The following MCU variants were observed in gnomAD, a reference collection of about 807,000 sequenced individuals.
The protein encoded by MCU is mitochondrial calcium uniporter.
Under a neutral mutation model 45.2 loss-of-function variants are expected in MCU, and 12 were observed. That is an observed-to-expected ratio of 0.27 (90% CI 0.17 to 0.43). The LOEUF is 0.43. Ranked by LOEUF, MCU falls within the 20% of genes least tolerant of loss-of-function variation. The pLI is 1.00. For missense variants in MCU, 324 were observed against 436.7 expected (o/e 0.74, Z 2.30); for synonymous variants, 160 against 165.1 (o/e 0.97, Z 0.24).
intron 2 of MCU, among the ~76,000 whole-genome samples, chr10:72,846,574 T>C (rs920683321): frequency 6.6e-6 from 1 of 152,228 alleles, no homozygotes; most frequent in Non-Finnish European, 1.5e-5. Flanking sequence ...TAACCCCCCA[T>C]GTACAAGAGT....
intron 1 of MCU, among the ~76,000 whole-genome samples, chr10:72,768,400 A>G (rs1478918303): frequency 6.6e-6 from 1 of 152,204 alleles, no homozygotes; most frequent in Non-Finnish European, 1.5e-5. Flanking sequence ...ATCTCAGTCA[A>G]TTTAGGATTT....
chr10:72,760,712 C>CTTTTTTTTT (rs1381226351), intron 1 of MCU: 7 of 116,816 alleles, frequency 6.0e-5, no homozygotes, highest in African/African-American at 1.3e-4. Flanking sequence ...TTTTTTTTTT[C>CTTTTTTTTT]TTTCTTTTTT....
At chr10:72,773,451 G>C (rs1023845996) in intron 1 of MCU, among the ~76,000 whole-genome samples, 12 of 152,030 alleles carry the variant, frequency 7.9e-5, no homozygotes, top group African/African-American at 2.9e-4. Context: ...GCAGAACAAA[G>C]AATGAAAAGG....
In MCU at chr10:72,834,363, A is replaced by C; in HGVS notation, c.155A>C (p.His52Pro). The change falls in exon 2 of 8, where the codon CAC becomes CCC. Residue 52 changes from histidine to proline, a missense_variant. Physicochemically the swap from His to Pro is moderately conservative, Grantham distance 77 (BLOSUM62 -2). Around this residue, in one of 4 missense-constraint regions of MCU, gnomAD observed 111 missense variants for 112.3 expected, o/e 0.99. Coordinates refer to ENST00000373053, the MANE Select transcript of MCU (RefSeq NM_138357.3). ...HRQQQHHRTVHQRIASWQNLG... is the reference protein window; with the variant it reads ...HRQQQHHRTVPQRIASWQNLG... ...TGTATCTTTTGTGTTTTCTAGGTAC[A>C]CCAGAGGATCGCTTCCTGGCAGAAT... 6.2e-7 allele frequency: 1 copy of C among 1,613,548 alleles called. No homozygotes were observed. The highest frequency in any genetic ancestry group is 1.3e-5 in the African/African-American group (1 of 75,034).
chr10:72,715,899 G>T, intron 1 of MCU: 4 of 985,114 alleles, frequency 4.1e-6, no homozygotes, highest in Non-Finnish European at 4.8e-6. Context: ...TTGAACATTC[G>T]CAGGTATGTG....
intron 1 of MCU, among the ~76,000 whole-genome samples, chr10:72,814,072 C>T (rs1416223238): frequency 6.6e-6 from 1 of 152,082 alleles, no homozygotes; most frequent in Non-Finnish European, 1.5e-5. Flanking sequence ...ATCCAAGTGG[C>T]AGGGGATGGA....
At chr10:72,786,718 C>G (rs1471622935) in intron 1 of MCU, among the ~76,000 whole-genome samples, 1 of 152,068 alleles carries the variant, frequency 6.6e-6, no homozygotes, top group Non-Finnish European at 1.5e-5. Context: ...TTCACTCCAA[C>G]CTGGGCAACA....
intron 1 of MCU, among the ~76,000 whole-genome samples, chr10:72,749,361 G>A (rs1197011013): frequency 6.6e-6 from 1 of 150,410 alleles, no homozygotes; most frequent in Non-Finnish European, 1.5e-5. Flanking sequence ...TCTCCAACCT[G>A]ACTGATAGGA....
At chr10:72,861,972 G>C (rs577921378) in intron 4 of MCU, among the ~76,000 whole-genome samples, 1 of 149,008 alleles carries the variant, frequency 6.7e-6, no homozygotes, top group Non-Finnish European at 1.5e-5. Flanking sequence ...ATAGCGTTTT[G>C]AGTTGTGTCT....
At chr10:72,799,543 A>T (rs1844306137) in intron 1 of MCU, among the ~76,000 whole-genome samples, 1 of 151,630 alleles carries the variant, frequency 6.6e-6, no homozygotes, top group African/African-American at 2.4e-5. Context: ...GCTGTACTTG[A>T]ATTCCTGGGT....
At chr10:72,803,218 AT>A (rs776689654) in intron 1 of MCU, among the ~76,000 whole-genome samples, 22 of 148,192 alleles carry the variant, frequency 1.5e-4, no homozygotes, top group African/African-American at 2.0e-4. Flanking sequence ...TCCTGCTTGT[AT>A]TTTTTTTTTA....
In MCU at chr10:72,836,115, T is replaced by A. The variant is rs1234789900; in HGVS notation, c.220+1687T>A. Among the ~76,000 whole-genome samples the A allele has an allele frequency of 2.0e-5, 3 of 152,216 alleles. No homozygotes were observed. In the East Asian group the frequency reaches 5.8e-4, roughly 29 times the overall value. ...CTGCAGGGTGCCATCATTAGATAGT[T>A]TGAATAAAAAGAATTTCACTGTTAA... is the stretch of plus-strand genomic sequence containing the variant. On this transcript the variant is annotated intron_variant, in intron 2 of 7. Transcript: ENST00000373053.
At chr10:72,759,156 A>G (rs1165011335) in intron 1 of MCU, among the ~76,000 whole-genome samples, 1 of 152,196 alleles carries the variant, frequency 6.6e-6, no homozygotes, top group Non-Finnish European at 1.5e-5. Flanking sequence ...TTATTCGGCC[A>G]GGGTTATCGG....
chr10:72,870,955 C>A (rs1473087992), intron 5 of MCU, among the ~76,000 whole-genome samples: 1 of 152,094 alleles, frequency 6.6e-6, no homozygotes, highest in African/African-American at 2.4e-5. Context: ...GGCTGGAGTG[C>A]AGTGGTGTGA....
intron 1 of MCU, among the ~76,000 whole-genome samples, chr10:72,714,792 C>A (rs924775811): frequency 1.3e-5 from 2 of 152,096 alleles, no homozygotes; most frequent in African/African-American, 4.8e-5. Flanking sequence ...GATCTGCCCC[C>A]CCCTTGGCCT....
rs917127551 is a variant in MCU, at chr10:72,718,731, C to T, written c.150+26430C>T. Among the ~76,000 whole-genome samples, 14 of 152,128 alleles carry T rather than the reference C, an allele frequency of 9.2e-5. No individual in the cohort carries two copies. The South Asian group carries it at 1.2e-3, about 13-fold the overall frequency. ...GACTGATAGTCCAAACTGGAATTTT[C>T]CAAGTGCCCATCAACAGTAGAATAA... is the stretch of plus-strand genomic sequence containing the variant. On this transcript the variant is annotated intron_variant, in intron 1 of 7. Coordinates refer to ENST00000373053, the MANE Select transcript of MCU (RefSeq NM_138357.3).
intron 1 of MCU, among the ~76,000 whole-genome samples, chr10:72,797,639 A>G (rs890958508): frequency 1.3e-5 from 2 of 150,624 alleles, no homozygotes; most frequent in Non-Finnish European, 3.0e-5. Context: ...GGTTCAAGCA[A>G]TTCTCCTGCC....
intron 1 of MCU, among the ~76,000 whole-genome samples, chr10:72,751,254 C>T (rs1384477272): frequency 3.4e-5 from 5 of 148,278 alleles, no homozygotes; most frequent in Admixed American, 6.8e-5. Context: ...CCACCTGCCT[C>T]GGACTCCTAA....
At chr10:72,796,310 G>A (rs909701240) in intron 1 of MCU, among the ~76,000 whole-genome samples, 4 of 151,946 alleles carry the variant, frequency 2.6e-5, no homozygotes, top group Non-Finnish European at 5.9e-5. Flanking sequence ...GTGATGGCAC[G>A]CACCTGTAGT....
Sources: allele counts gnomAD v4.1 joint callset (sites outside exome capture counted in the v4.1 genomes callset), GRCh38; gene constraint gnomAD v4.1.1; regional missense constraint gnomAD v4.1.1; transcripts MANE v1.5; gene names NCBI Gene and HGNC (gene_info 2026-07-23, HGNC 2026-07-21).